The following ARL15 variants were observed in gnomAD, a reference collection of about 807,000 sequenced individuals.
ARL15 encodes the protein ADP-ribosylation factor-like protein 15.
Under a neutral mutation model 25.2 loss-of-function variants are expected in ARL15, and 19 were observed. That is an observed-to-expected ratio of 0.75 (90% CI 0.53 to 1.10). The LOEUF is 1.10. Among genes scored for constraint, ARL15 ranks in the 50% least tolerant of loss-of-function variants. The pLI is 0.00. For synonymous variants in ARL15, 94 were observed against 86.8 expected, an observed-to-expected ratio of 1.08 and a Z score of -0.46; for missense variants, 220 against 246.0, an observed-to-expected ratio of 0.89 and a Z score of 0.71.
intron 4 of ARL15, among the ~76,000 whole-genome samples, chr5:53,972,920 T>A (rs1747799327): frequency 6.6e-6 from 1 of 152,222 alleles, no homozygotes; most frequent in African/African-American, 2.4e-5. Flanking sequence ...CAGAGTTTCC[T>A]TATTTTCATG....
chr5:53,897,322 A>G (rs532006368), intron 4 of ARL15, among the ~76,000 whole-genome samples: 129 of 152,324 alleles, frequency 8.5e-4, no homozygotes, highest in Non-Finnish European at 1.5e-3. Flanking sequence ...TGAACATTTC[A>G]TATAGATCAA....
At chr5:54,144,589 C>T (rs539301953) in intron 3 of ARL15, among the ~76,000 whole-genome samples, 1 of 152,072 alleles carries the variant, frequency 6.6e-6, no homozygotes, top group Admixed American at 6.6e-5. Flanking sequence ...TTTCATTTGG[C>T]ATCTTTCTTT....
chr5:54,150,232 G>A (rs1037403181), intron 3 of ARL15, among the ~76,000 whole-genome samples: 2 of 152,146 alleles, frequency 1.3e-5, no homozygotes, highest in Admixed American at 6.5e-5. Context: ...AAGAATAAAC[G>A]AATAAAACAG....
chr5:53,898,375 T>G (rs570854811), intron 4 of ARL15, among the ~76,000 whole-genome samples: 2 of 152,180 alleles, frequency 1.3e-5, no homozygotes, highest in Non-Finnish European at 2.9e-5. Context: ...TTGGAATGGT[T>G]TGAGAATTGG....
At chr5:54,184,433 T>C (rs1755168874) in intron 1 of ARL15, among the ~76,000 whole-genome samples, 1 of 93,318 alleles carries the variant, frequency 1.1e-5, no homozygotes, top group Non-Finnish European at 2.0e-5. Flanking sequence ...ACAGTAACAC[T>C]GTCTTTAAAA....
chr5:54,078,326 G>A (rs1169009670), intron 4 of ARL15, among the ~76,000 whole-genome samples: 2 of 152,038 alleles, frequency 1.3e-5, no homozygotes, highest in African/African-American at 4.8e-5. Flanking sequence ...TAGAACCCAG[G>A]ACAAGTCAGA....
chr5:54,107,339 A>C (rs185467223), intron 4 of ARL15, among the ~76,000 whole-genome samples: 31 of 152,322 alleles, frequency 2.0e-4, no homozygotes, highest in African/African-American at 7.2e-4. Context: ...CTAGTGAATT[A>C]GGAATAGTGA....
At chr5:54,192,702 T>A (rs568447269) in intron 1 of ARL15, among the ~76,000 whole-genome samples, 2 of 151,500 alleles carry the variant, frequency 1.3e-5, no homozygotes, top group Admixed American at 1.3e-4. Context: ...TTTTCTAATC[T>A]TTACAAGAAG....
At position 54,132,396 on chromosome 5, in the gene ARL15, TAACCCAA is replaced by T. The variant is rs370251356; in HGVS notation, c.254-18993_254-18987del. Among the ~76,000 whole-genome samples the T allele has an allele frequency of 2.0e-4, 31 of 152,288 alleles. 1 individual carries two copies. The East Asian group carries it at 6.0e-3, about 29-fold the overall frequency. ...CCAGTCAAAATCTCAAGGAAATCTT[TAACCCAA>T]AATTTCACCTGGAAATCATTAACCC... On this transcript the variant is annotated intron_variant, in intron 3 of 4. Coordinates refer to ENST00000504924, the MANE Select transcript of ARL15 (RefSeq NM_019087.3).
rs1004530718 is a variant in ARL15 at position 53,947,485 on chromosome 5, G to A, written c.463-60772C>T. Among the ~76,000 whole-genome samples the A allele has an allele frequency of 4.6e-5, 7 of 152,170 alleles. No homozygotes were observed. In the South Asian group the frequency reaches 6.2e-4, roughly 14 times the overall value. On this transcript the variant is annotated intron_variant, in intron 4 of 4. Coordinates refer to ENST00000504924, the MANE Select transcript of ARL15 (RefSeq NM_019087.3). The stretch of plus-strand genomic sequence containing the variant: ...AATTGGAGGAATAATCCAAAGCCCC[G>A]TATCTCACTCCTCCAGAGATATATC...
chr5:54,191,054 C>T (rs1228121287), intron 1 of ARL15, among the ~76,000 whole-genome samples: 2 of 152,062 alleles, frequency 1.3e-5, no homozygotes, highest in African/African-American at 4.8e-5. Flanking sequence ...ATAGAAGTAC[C>T]CCATATGTCC....
intron 4 of ARL15, among the ~76,000 whole-genome samples, chr5:54,066,440 G>T (rs569339464): frequency 6.6e-6 from 1 of 152,144 alleles, no homozygotes; most frequent in African/African-American, 2.4e-5. Flanking sequence ...TATATAGCAT[G>T]AACAATCAGA....
intron 3 of ARL15, among the ~76,000 whole-genome samples, chr5:54,130,328 A>T (rs1753392064): frequency 6.6e-6 from 1 of 152,202 alleles, no homozygotes; most frequent in Non-Finnish European, 1.5e-5. Context: ...GAGAGATTTA[A>T]AAAAAGTGTT....
At chr5:54,012,307 T>C (rs1024395480) in intron 4 of ARL15, among the ~76,000 whole-genome samples, 1 of 152,180 alleles carries the variant, frequency 6.6e-6, no homozygotes, top group Non-Finnish European at 1.5e-5. Flanking sequence ...CTGATAGTCC[T>C]CTTCATGGTT....
intron 3 of ARL15, among the ~76,000 whole-genome samples, chr5:54,152,845 TC>T (rs1241130010): frequency 1.3e-5 from 2 of 152,166 alleles, no homozygotes; most frequent in Admixed American, 6.5e-5. Flanking sequence ...ACAGACCTAT[TC>T]CCACCTTATG....
intron 1 of ARL15, among the ~76,000 whole-genome samples, chr5:54,192,961 T>A (rs1755448420): frequency 6.6e-6 from 1 of 152,180 alleles, no homozygotes; most frequent in African/African-American, 2.4e-5. Flanking sequence ...GTAGGTCCAG[T>A]GACACTTTTC....
chr5:54,205,076 C>T (rs542360815), intron 1 of ARL15, among the ~76,000 whole-genome samples: 16 of 151,886 alleles, frequency 1.1e-4, no homozygotes, highest in Non-Finnish European at 1.9e-4. Flanking sequence ...CTGGGATTTA[C>T]GGGTGTGAGC....
chr5:54,071,697 C>T (rs552087201), intron 4 of ARL15, among the ~76,000 whole-genome samples: 8 of 151,932 alleles, frequency 5.3e-5, no homozygotes, highest in Non-Finnish European at 7.4e-5. Flanking sequence ...ACCGGCCAGG[C>T]GCGGTGGCTC....
chr5:54,188,916 G>A (rs946220517), intron 1 of ARL15, among the ~76,000 whole-genome samples: 9 of 152,068 alleles, frequency 5.9e-5, no homozygotes, highest in African/African-American at 2.2e-4. Flanking sequence ...TAAGGTTTAC[G>A]TCTCAAGCTA....
Sources: gnomAD v4.1 joint callset for allele counts (sites outside exome capture counted in the v4.1 genomes callset) on GRCh38, gnomAD v4.1.1 for gene constraint, MANE v1.5 for transcripts, NCBI Gene and HGNC (gene_info 2026-07-23, HGNC 2026-07-21) for gene names.